The following DGKI variants were observed in gnomAD, a reference collection of about 807,000 sequenced individuals.
DGKI encodes DAG kinase iota.
Under a neutral mutation model 147.5 loss-of-function variants are expected in DGKI, and 55 were observed. The observed-to-expected ratio is 0.37, with a 90% CI of 0.30 to 0.47. The LOEUF is 0.47. Among genes scored for constraint, DGKI ranks in the 20% least tolerant of loss-of-function variants. The pLI, the probability that DGKI is intolerant of heterozygous loss-of-function variation, is 1.00. For missense variants in DGKI, 1,007 were observed against 1,323.8 expected, an observed-to-expected ratio of 0.76 and a Z score of 3.71; for synonymous variants, 469 against 477.1, an observed-to-expected ratio of 0.98 and a Z score of 0.22.
rs566613449 is a variant in DGKI, at chr7:137,415,520, T to A, written c.2762-3313A>T. Among the ~76,000 whole-genome samples, 19 of 152,304 alleles carry A rather than the reference T, an allele frequency of 1.2e-4. No homozygotes were observed. In the South Asian group the frequency reaches 3.9e-3, roughly 32 times the overall value. Reference sequence around the variant, plus strand: ...CCACAGATACTGAGTAACAGCTGTATTAGCAATCACAGGTCCAAGAGAACA... The same window carrying A: ...CCACAGATACTGAGTAACAGCTGTAATAGCAATCACAGGTCCAAGAGAACA... On this transcript the variant is annotated intron_variant, in intron 28 of 32. Transcript: ENST00000614521.
intron 1 of DGKI, among the ~76,000 whole-genome samples, chr7:137,745,487 G>C (rs1454353972): frequency 1.3e-5 from 2 of 152,198 alleles, no homozygotes; most frequent in Non-Finnish European, 2.9e-5. Flanking sequence ...ACTATGACTA[G>C]CATGATAAAA....
intron 12 of DGKI, among the ~76,000 whole-genome samples, chr7:137,589,600 C>T (rs1343086292): frequency 6.6e-6 from 1 of 152,156 alleles, no homozygotes; most frequent in Non-Finnish European, 1.5e-5. Flanking sequence ...CTGCTAAAAG[C>T]ACAGATTAAA....
intron 27 of DGKI, among the ~76,000 whole-genome samples, chr7:137,445,470 T>C (rs1042402466): frequency 1.3e-5 from 2 of 152,196 alleles, no homozygotes; most frequent in African/African-American, 4.8e-5. Context: ...AAGCACCATT[T>C]GGCCTCCCTG....
At chr7:137,762,374 A>G (rs564894635) in intron 1 of DGKI, among the ~76,000 whole-genome samples, 7 of 152,368 alleles carry the variant, frequency 4.6e-5, no homozygotes, top group African/African-American at 1.7e-4. Flanking sequence ...CTAAGATAAA[A>G]GAGCATGCCC....
intron 5 of DGKI, among the ~76,000 whole-genome samples, chr7:137,646,442 G>A (rs1261075075): frequency 6.6e-6 from 1 of 152,152 alleles, no homozygotes; most frequent in Non-Finnish European, 1.5e-5. Context: ...CAGACTGTAG[G>A]AAACACAGAA....
At chr7:137,539,903 G>A (rs901793125) in intron 20 of DGKI, among the ~76,000 whole-genome samples, 2 of 152,138 alleles carry the variant, frequency 1.3e-5, no homozygotes, top group Non-Finnish European at 2.9e-5. Flanking sequence ...AGGAATAAAA[G>A]AGGACTTGTA....
In DGKI at chr7:137,675,046, TAA is replaced by T. The variant is rs149718866; in HGVS notation, c.606+3509_606+3510del. 7.8e-4 allele frequency among the ~76,000 whole-genome samples: 119 copies of T among 152,298 alleles called. No homozygotes were observed. The East Asian group carries it at 0.022, about 28-fold the overall frequency. ...TAGGCTTTCTTCAAAGGTGGTTCATTAAAAGAAATTAGAATATAAATACATGA... is the reference window on the plus strand; with the variant it reads ...TAGGCTTTCTTCAAAGGTGGTTCATTAAGAAATTAGAATATAAATACATGA... On this transcript the variant is annotated intron_variant, in intron 3 of 32. Transcript: ENST00000614521.
intron 1 of DGKI, among the ~76,000 whole-genome samples, chr7:137,700,769 T>G: frequency 6.6e-6 from 1 of 152,114 alleles, no homozygotes; most frequent in East Asian, 1.9e-4. Context: ...TCCCAGCTAC[T>G]TGGGAGGCTG....
chr7:137,809,470 A>G (rs1292955419), intron 1 of DGKI, among the ~76,000 whole-genome samples: 3 of 152,194 alleles, frequency 2.0e-5, no homozygotes, highest in African/African-American at 4.8e-5. Context: ...GCCACCAGGT[A>G]TCAGCCTGCA....
intron 19 of DGKI, among the ~76,000 whole-genome samples, chr7:137,565,114 G>T (rs1374044250): frequency 6.6e-6 from 1 of 152,154 alleles, no homozygotes; most frequent in South Asian, 2.1e-4. Context: ...GTGAAGAGAG[G>T]TTTACAAACA....
At chr7:137,687,094 CAG>C (rs879620319) in intron 2 of DGKI, among the ~76,000 whole-genome samples, 12 of 152,062 alleles carry the variant, frequency 7.9e-5, no homozygotes, top group Non-Finnish European at 1.6e-4. Context: ...TGTTACAGAG[CAG>C]AGAGAATTTC....
At chr7:137,804,698 A>G (rs538270544) in intron 1 of DGKI, among the ~76,000 whole-genome samples, 4 of 152,356 alleles carry the variant, frequency 2.6e-5, no homozygotes, top group Admixed American at 2.0e-4. Context: ...GGAAATGGAT[A>G]TATTTCTTTT....
At chr7:137,819,040 A>T (rs1337783573) in intron 1 of DGKI, among the ~76,000 whole-genome samples, 2 of 152,196 alleles carry the variant, frequency 1.3e-5, no homozygotes, top group East Asian at 3.9e-4. Flanking sequence ...TGATGATCCT[A>T]AGGCTCTTCG....
chr7:137,777,401 A>T (rs1796394298), intron 1 of DGKI, among the ~76,000 whole-genome samples: 1 of 152,208 alleles, frequency 6.6e-6, no homozygotes, highest in Non-Finnish European at 1.5e-5. Flanking sequence ...GTAGCAGTCA[A>T]AAAAGAAACA....
chr7:137,785,592 G>T (rs1426514147), intron 1 of DGKI, among the ~76,000 whole-genome samples: 1 of 151,788 alleles, frequency 6.6e-6, no homozygotes, highest in Non-Finnish European at 1.5e-5. Flanking sequence ...CCGCAAGATA[G>T]ACAAAGAAGG....
intron 15 of DGKI, among the ~76,000 whole-genome samples, chr7:137,580,300 A>T (rs1196538708): frequency 6.6e-6 from 1 of 152,156 alleles, no homozygotes; most frequent in Non-Finnish European, 1.5e-5. Flanking sequence ...TGAAGAATAA[A>T]ATCCCCCATG....
chr7:137,389,141 G>C lies in DGKI; in HGVS notation c.*2079C>G, dbSNP rs909070780. The C allele has an allele frequency of 5.9e-5, 9 of 152,198 alleles. No individual in the cohort carries two copies. The highest frequency in any genetic ancestry group is 2.2e-4 in the African/African-American group (9 of 41,536). 9.4% of individuals were successfully genotyped at this position (152,198 alleles called of 1,614,324 possible). A position where few individuals can be genotyped will look rare whatever the true frequency, so the allele number is the denominator to read the frequency against. On this transcript the variant is annotated 3_prime_UTR_variant, in exon 33 of 33. Transcript: ENST00000614521. ...TATATTTCTGTCATCACATTTCCTT[G>C]ACAGTCCCGCCAACTAAAAATCCCC...
chr7:137,412,060 G>T, intron 29 of DGKI, 110 bp downstream of exon 29: 1 of 1,066,452 alleles, frequency 9.4e-7, no homozygotes. Context: ...CCCAGCCAGT[G>T]CAAGCAGGGG....
At chr7:137,743,715 G>C (rs1045647964) in intron 1 of DGKI, among the ~76,000 whole-genome samples, 4 of 152,132 alleles carry the variant, frequency 2.6e-5, no homozygotes, top group African/African-American at 9.7e-5. Context: ...CGGGCGCGGT[G>C]GCTGACACCT....
Sources: gnomAD v4.1 joint callset for allele counts (sites outside exome capture counted in the v4.1 genomes callset) on GRCh38, gnomAD v4.1.1 for gene constraint, MANE v1.5 for transcripts, NCBI Gene and HGNC (gene_info 2026-07-23, HGNC 2026-07-21) for gene names.